MAP3K21: variants seen among roughly 807,000 people sequenced by gnomAD.
MAP3K21 encodes mitogen-activated protein kinase kinase kinase MLK4.
MAP3K21 carries 63 observed loss-of-function variants against 86.1 expected under a neutral mutation model. That is an observed-to-expected ratio of 0.73 (90% CI 0.60 to 0.90). MAP3K21 has a LOEUF of 0.90. MAP3K21 is among the 40% of genes least tolerant of loss of function. The pLI is 0.00. For missense variants in MAP3K21, 1,220 were observed against 1,367.7 expected (o/e 0.89, Z 1.70); for synonymous variants, 558 against 564.8 (o/e 0.99, Z 0.17).
intron 1 of MAP3K21, among the ~76,000 whole-genome samples, chr1:233,345,514 T>C (rs935209490): frequency 2.0e-5 from 3 of 147,682 alleles, no homozygotes; most frequent in Non-Finnish European, 4.5e-5. Context: ...TTCTCACTCA[T>C]AGGTGGGAAT....
chr1:233,339,473 T>TCCTTCTC (rs1662994847), intron 1 of MAP3K21, among the ~76,000 whole-genome samples: 2 of 23,378 alleles, frequency 8.6e-5, no homozygotes, highest in Non-Finnish European at 1.6e-4. Flanking sequence ...TCCTTCTCCT[T>TCCTTCTC]CTTCTTCTTC....
In MAP3K21 at chr1:233,330,898, T is replaced by G. The variant is rs549661580; in HGVS notation, c.805+2065T>G. On this transcript the variant is annotated intron_variant, in intron 1 of 9. Transcript: ENST00000366624. ...TGGGTTAATCCATAGGATTTATGGA[T>G]CAATCAACAATCCATAGCAATTATT... 2.0e-5 allele frequency among the ~76,000 whole-genome samples: 3 copies of G among 152,328 alleles called. No individual in the cohort carries two copies. The East Asian group carries it at 5.8e-4, about 29-fold the overall frequency.
chr1:233,379,456 G>A lies in MAP3K21; in HGVS notation c.2450G>A (p.Ser817Asn). Residue 817 changes from serine (S) to asparagine (N), a missense_variant, in exon 9 of 10, where the codon AGT (serine) becomes AAT (asparagine). Physicochemically the swap from Ser to Asn is conservative, Grantham distance 46 (BLOSUM62 1). Transcript: ENST00000366624. Reference protein sequence around the residue: ...FSTKCLLQMDSEDPLVDSAPV... With the variant: ...FSTKCLLQMDNEDPLVDSAPV... ...ACAAAGTGCCTGCTGCAGATGGACAGTGAAGATCCACTGGTGGACAGTGCA... is the reference window on the plus strand; with the variant it reads ...ACAAAGTGCCTGCTGCAGATGGACAATGAAGATCCACTGGTGGACAGTGCA... 6.2e-7 allele frequency: 1 copy of A among 1,614,196 alleles called. No individual in the cohort carries two copies. The highest frequency in any genetic ancestry group is 2.2e-5 in the East Asian group (1 of 44,868).
At chr1:233,369,325 G>A (rs527862994) in intron 5 of MAP3K21, among the ~76,000 whole-genome samples, 2 of 152,212 alleles carry the variant, frequency 1.3e-5, no homozygotes, top group South Asian at 4.1e-4. Flanking sequence ...GGGAGGTGGA[G>A]GTTGCAGTGC....
Position 233,328,891 on chromosome 1 carries a change from T to C in MAP3K21, c.805+58T>C. ...TACCTCCGTGCCAGCCCAGGCGGGC[T>C]CCACAGGACATAGTACCAGATGGAA... On this transcript the variant is annotated intron_variant, in intron 1 of 9. Transcript: ENST00000366624. This position sits in a 1 kb window ranked among gnomAD's most constrained non-coding sequence, Gnocchi z 8.7. 2 of 1,372,178 alleles carry C rather than the reference T, an allele frequency of 1.5e-6. No individual in the cohort carries two copies. Among genetic ancestry groups the C allele is most frequent in the Non-Finnish European group, 1.9e-6 (2 of 1,055,146 alleles). The allele number at this position is 1,372,178 out of a possible 1,614,324, so 85.0% of individuals were successfully genotyped here.
chr1:233,383,795 T>C lies in MAP3K21; in HGVS notation c.*1084T>C, dbSNP rs1438312916. 1 of 152,186 alleles carries C rather than the reference T, an allele frequency of 6.6e-6. No individual in the cohort carries two copies. The highest frequency in any genetic ancestry group is 1.5e-5 in the Non-Finnish European group (1 of 68,016). 9.4% of individuals were successfully genotyped at this position (152,186 alleles called of 1,614,324 possible). ...GTTGTTATTTCACATTTCATTTAAT[T>C]GTGGATAAATGTTAGACATCTGTTG... On this transcript the variant is annotated 3_prime_UTR_variant, in exon 10 of 10. Transcript: ENST00000366624.
intron 1 of MAP3K21, among the ~76,000 whole-genome samples, chr1:233,344,088 G>A (rs1006556997): frequency 6.6e-6 from 1 of 152,148 alleles, no homozygotes; most frequent in Non-Finnish European, 1.5e-5. Context: ...GTAGGAGGGT[G>A]CAGGTGAGGA....
At chr1:233,355,088 T>C in intron 4 of MAP3K21, 77 bp downstream of exon 4, 1 of 1,051,946 alleles carries the variant, frequency 9.5e-7, no homozygotes, top group South Asian at 1.7e-5. Context: ...GAAGCACTGT[T>C]AGCATTATTC....
intron 9 of MAP3K21, among the ~76,000 whole-genome samples, chr1:233,380,632 A>C (rs1663895686): frequency 6.6e-6 from 1 of 152,228 alleles, no homozygotes. Flanking sequence ...CAAATTTTTA[A>C]ATAGTTTTTT....
intron 4 of MAP3K21, among the ~76,000 whole-genome samples, chr1:233,361,328 T>C (rs1033778136): frequency 6.6e-5 from 10 of 152,258 alleles, no homozygotes; most frequent in African/African-American, 2.4e-4. Context: ...GAACTTTTGT[T>C]AGCTAACTCC....
chr1:233,344,806 G>A (rs1012004016), intron 1 of MAP3K21, among the ~76,000 whole-genome samples: 8 of 152,136 alleles, frequency 5.3e-5, no homozygotes, highest in African/African-American at 1.7e-4. Context: ...CCTACAGAAT[G>A]GGAGAAAATT....
intron 4 of MAP3K21, among the ~76,000 whole-genome samples, chr1:233,357,989 C>T (rs1663396512): frequency 6.6e-6 from 1 of 151,812 alleles, no homozygotes; most frequent in African/African-American, 2.4e-5. Context: ...TATGATAGAC[C>T]TCCCTCACCC....
intron 6 of MAP3K21, among the ~76,000 whole-genome samples, chr1:233,375,478 A>C (rs1470641307): frequency 6.6e-6 from 1 of 152,232 alleles, no homozygotes; most frequent in Non-Finnish European, 1.5e-5. Context: ...GACTTATGAA[A>C]AATTAGTTGA....
At chr1:233,376,961 G>A (rs1236985724) in intron 8 of MAP3K21, among the ~76,000 whole-genome samples, 1 of 152,136 alleles carries the variant, frequency 6.6e-6, no homozygotes, top group Non-Finnish European at 1.5e-5. Context: ...CCGGCATGGT[G>A]GTGCTTGCTT....
Position 233,371,975 on chromosome 1 carries a change from T to C in MAP3K21, c.1553-63T>C. On this transcript the variant is annotated intron_variant, in intron 5 of 9. Coordinates refer to ENST00000366624, the MANE Select transcript of MAP3K21 (RefSeq NM_032435.3). ...TTTGTTTTTATTGCTGTGTGCTAAA[T>C]ACATGGCTATGAAGATAAAGGAAAA... is the stretch of plus-strand genomic sequence containing the variant. 9 of 1,556,656 alleles carry C rather than the reference T, an allele frequency of 5.8e-6. No individual in the cohort carries two copies. The South Asian group carries it at 6.1e-5, about 11-fold the overall frequency.
Position 233,353,928 on chromosome 1 carries a change from C to A in MAP3K21, c.1108C>A (p.Pro370Thr), listed in dbSNP as rs759012065. The change falls in exon 3 of 10, where the codon CCT becomes ACT. Residue 370 changes from proline (P) to threonine (T), a missense_variant. This residue lies in a region of MAP3K21 where 126 missense variants were observed against 127.7 expected (regional missense o/e 0.99). Coordinates refer to ENST00000366624, the MANE Select transcript of MAP3K21 (RefSeq NM_032435.3). ...CACTTTGCCCATTCCATCCACCTGC[C>A]CTGAGCCGTTTGCCAAGCTCATGAA... ...KLTLPIPSTC[P>T]EPFAKLMKEC... 42 of 1,608,004 alleles carry A rather than the reference C, an allele frequency of 2.6e-5. No individual in the cohort carries two copies. The highest frequency in any genetic ancestry group is 3.4e-5 in the Non-Finnish European group (40 of 1,177,570).
chr1:233,328,576 T>A lies in MAP3K21; in HGVS notation c.548T>A (p.Ile183Asn). The A allele has an allele frequency of 6.5e-7, 1 of 1,528,118 alleles. No homozygotes were observed. The highest frequency in any genetic ancestry group is 8.7e-7 in the Non-Finnish European group (1 of 1,148,304). The allele number at this position is 1,528,118 out of a possible 1,614,324, so 94.7% of individuals were successfully genotyped here. The change falls in exon 1 of 10, where the codon ATC (isoleucine) becomes AAC (asparagine). Residue 183 changes from isoleucine to asparagine, a missense_variant. Coordinates refer to ENST00000366624, the MANE Select transcript of MAP3K21 (RefSeq NM_032435.3). The surrounding 1 kb of genome is among the most constrained non-coding windows in gnomAD (Gnocchi z 8.7). ...RLFAMLRHPNIIELRGVCLQQ... is the reference protein window; with the variant it reads ...RLFAMLRHPNNIELRGVCLQQ... ...TTCGCCATGCTGCGGCACCCCAACA[T>A]CATCGAGCTGCGCGGCGTGTGCCTG...
At position 233,354,947 on chromosome 1, in the gene MAP3K21, C is replaced by G; in HGVS notation, c.1247C>G (p.Ser416Cys). ...MTEMPQESFHSMQDDWKLEIQ... is the reference protein window; with the variant it reads ...MTEMPQESFHCMQDDWKLEIQ... The stretch of plus-strand genomic sequence containing the variant: ...GAGATGCCTCAAGAATCTTTTCATT[C>G]CATGCAAGATGACTGGAAACTAGAA... The change falls in exon 4 of 10, where the codon TCC becomes TGC. Residue 416 changes from serine to cysteine, a missense_variant. By Grantham distance (112) the Ser-to-Cys change is moderately radical (BLOSUM62 -1). Around this residue, in one of 5 missense-constraint regions of MAP3K21, gnomAD observed 126 missense variants for 127.7 expected, o/e 0.99. Coordinates refer to ENST00000366624, the MANE Select transcript of MAP3K21 (RefSeq NM_032435.3). 6.2e-7 allele frequency: 1 copy of G among 1,613,838 alleles called. No individual in the cohort carries two copies. The highest frequency in any genetic ancestry group is 1.3e-5 in the African/African-American group (1 of 75,002).
chr1:233,365,254 A>ATTGTCTT (rs1440297780), intron 5 of MAP3K21, among the ~76,000 whole-genome samples: 7 of 152,328 alleles, frequency 4.6e-5, no homozygotes, highest in African/African-American at 1.7e-4. Flanking sequence ...AGCTCAGGCA[A>ATTGTCTT]CAAAAAACAA....
Sources: gnomAD v4.1 joint callset for allele counts (sites outside exome capture counted in the v4.1 genomes callset) on GRCh38, gnomAD v4.1.1 for gene constraint, gnomAD v4.1.1 regional missense constraint, Gnocchi (gnomAD v3.1) non-coding constraint, MANE v1.5 for transcripts, NCBI Gene and HGNC (gene_info 2026-07-23, HGNC 2026-07-21) for gene names.